The following FGF12 variants were observed in gnomAD, a reference collection of about 807,000 sequenced individuals.
FGF12 encodes the protein fibroblast growth factor 12B.
FGF12 carries 14 observed loss-of-function variants against 23.6 expected under a neutral mutation model. That is an observed-to-expected ratio of 0.59 (90% CI 0.39 to 0.93). The LOEUF is 0.93. Among genes scored for constraint, FGF12 ranks in the 40% least tolerant of loss-of-function variants. FGF12 has a pLI of 0.00. For synonymous variants in FGF12, 62 were observed against 77.3 expected (o/e 0.80, Z 1.04); for missense variants, 175 against 217.8 (o/e 0.80, Z 1.24).
At chr3:192,446,202 C>T (rs572301936) in intron 2 of FGF12, among the ~76,000 whole-genome samples, 1 of 152,296 alleles carries the variant, frequency 6.6e-6, no homozygotes, top group East Asian at 1.9e-4. Flanking sequence ...TAAGTGACTA[C>T]TTAAAAAGCT....
chr3:192,331,303 A>C (rs1157548297), intron 4 of FGF12, among the ~76,000 whole-genome samples: 4 of 126,336 alleles, frequency 3.2e-5, no homozygotes, highest in African/African-American at 1.2e-4. Context: ...AACAGTATGG[A>C]GTTTTCTCAA....
In FGF12 at chr3:192,408,871, A is replaced by G. The variant is rs9809860; in HGVS notation, c.14-48333T>C. ...TTCTGAAGATTAGGAGGTCCGTCCC[A>G]GCAGGGTGAGGTCTACAGAATGCAT... On this transcript the variant is annotated intron_variant, in intron 2 of 5. Coordinates refer to ENST00000445105, the MANE Select transcript of FGF12 (RefSeq NM_004113.6). This position sits in a 1 kb window ranked among gnomAD's most constrained non-coding sequence, Gnocchi z 7.3. 7,730 of 985,432 alleles carry G rather than the reference A, an allele frequency of 7.8e-3. 456 individuals carry two copies. The African/African-American group carries it at 0.13, about 16-fold the overall frequency. 61.0% of individuals were successfully genotyped at this position (985,432 alleles called of 1,614,324 possible). A position where few individuals can be genotyped will look rare whatever the true frequency, so the allele number is the denominator to read the frequency against.
Position 192,438,695 on chromosome 3 carries a change from A to G in FGF12, c.14-78157T>C, listed in dbSNP as rs797002181. On this transcript the variant is annotated intron_variant, in intron 2 of 5. Coordinates refer to ENST00000445105, the MANE Select transcript of FGF12 (RefSeq NM_004113.6). ...ACTAAGGAAGGAAACATTCATGTCA[A>G]AGATTGATGATTTGTGAGTATTCCA... is the stretch of plus-strand genomic sequence containing the variant. Among the ~76,000 whole-genome samples the G allele has an allele frequency of 6.6e-5, 10 of 152,246 alleles. No individual in the cohort carries two copies. The South Asian group carries it at 2.1e-3, about 31-fold the overall frequency.
At chr3:192,403,050 G>T (rs1468336959) in intron 2 of FGF12, among the ~76,000 whole-genome samples, 2 of 151,702 alleles carry the variant, frequency 1.3e-5, no homozygotes, top group African/African-American at 4.9e-5. Context: ...TGATGATCAT[G>T]CATTCAAAGA....
intron 2 of FGF12, among the ~76,000 whole-genome samples, chr3:192,462,157 CTA>C (rs1443923187): frequency 3.3e-5 from 5 of 151,984 alleles, no homozygotes; most frequent in African/African-American, 1.2e-4. Context: ...AACACTGAAA[CTA>C]TTAAGAATTT....
intron 3 of FGF12, 47 bp from the exon 4 acceptor site, chr3:192,335,511 T>C (rs942798052): frequency 5.5e-6 from 6 of 1,096,902 alleles, no homozygotes; most frequent in Non-Finnish European, 8.4e-6. Flanking sequence ...ACCTTTTGAA[T>C]AAATAATCCT....
chr3:192,623,025 C>T (rs953221544), intron 2 of FGF12, among the ~76,000 whole-genome samples: 3 of 152,178 alleles, frequency 2.0e-5, no homozygotes, highest in Admixed American at 1.3e-4. Flanking sequence ...CCTCTGTTTA[C>T]GTTGGGATAA....
At chr3:192,145,527 A>G (rs565463461) in intron 5 of FGF12, among the ~76,000 whole-genome samples, 37 of 152,224 alleles carry the variant, frequency 2.4e-4, no homozygotes, top group Non-Finnish European at 4.4e-4. Context: ...AGTGAGCTTG[A>G]GAGTCTCCAT....
At chr3:192,522,652 G>T (rs1724849297) in intron 2 of FGF12, among the ~76,000 whole-genome samples, 1 of 152,176 alleles carries the variant, frequency 6.6e-6, no homozygotes, top group African/African-American at 2.4e-5. Context: ...GCACAAAGTA[G>T]TCGGTACAAC....
intron 2 of FGF12, among the ~76,000 whole-genome samples, chr3:192,490,538 T>C (rs564323313): frequency 6.6e-6 from 1 of 152,192 alleles, no homozygotes; most frequent in African/African-American, 2.4e-5. Flanking sequence ...TATACACATT[T>C]ATATACATAT....
intron 2 of FGF12, among the ~76,000 whole-genome samples, chr3:192,361,005 C>G (rs1007556319): frequency 6.6e-6 from 1 of 151,926 alleles, no homozygotes; most frequent in Non-Finnish European, 1.5e-5. Flanking sequence ...AATTTGTGAT[C>G]AAGTTCAGCC....
intron 2 of FGF12, among the ~76,000 whole-genome samples, chr3:192,651,195 C>A (rs1272130558): frequency 6.6e-6 from 1 of 152,164 alleles, no homozygotes; most frequent in Non-Finnish European, 1.5e-5. Context: ...GACTGATGAG[C>A]AAACAGAACA....
At chr3:192,254,972 T>C (rs1712292461) in intron 4 of FGF12, among the ~76,000 whole-genome samples, 1 of 152,018 alleles carries the variant, frequency 6.6e-6, no homozygotes, top group African/African-American at 2.4e-5. Flanking sequence ...ATGCCATAGG[T>C]CTAGAGAGAT....
At chr3:192,380,793 T>C (rs1359389898) in intron 2 of FGF12, among the ~76,000 whole-genome samples, 1 of 152,108 alleles carries the variant, frequency 6.6e-6, no homozygotes, top group Non-Finnish European at 1.5e-5. Context: ...CTGAGTTTCA[T>C]GCCTAGGCCA....
intron 2 of FGF12, among the ~76,000 whole-genome samples, chr3:192,564,024 T>C (rs545515695): frequency 6.7e-6 from 1 of 148,470 alleles, no homozygotes; most frequent in African/African-American, 2.6e-5. Flanking sequence ...AATTAGACTA[T>C]GTGTAGTTTT....
chr3:192,677,008 C>T (rs1042555203), intron 2 of FGF12, among the ~76,000 whole-genome samples: 5 of 152,200 alleles, frequency 3.3e-5, no homozygotes, highest in African/African-American at 9.7e-5. Context: ...GAGATAGAGG[C>T]GCAGTGTTCC....
intron 2 of FGF12, among the ~76,000 whole-genome samples, chr3:192,593,432 T>A (rs996572214): frequency 7.9e-5 from 12 of 151,942 alleles, no homozygotes; most frequent in African/African-American, 2.9e-4. Context: ...TGACATACTA[T>A]TTGTTTATTT....
At chr3:192,155,562 ATAAAT>A (rs1385240241) in intron 5 of FGF12, among the ~76,000 whole-genome samples, 5 of 152,224 alleles carry the variant, frequency 3.3e-5, no homozygotes, top group Non-Finnish European at 7.3e-5. Context: ...CAAACAAAAA[ATAAAT>A]TAAGAATTAC....
intron 2 of FGF12, among the ~76,000 whole-genome samples, chr3:192,585,489 T>G (rs530755844): frequency 5.3e-5 from 8 of 152,062 alleles, no homozygotes; most frequent in Non-Finnish European, 1.2e-4. Flanking sequence ...CACTCTAATG[T>G]CCATAAGAGA....
Sources: allele counts gnomAD v4.1 joint callset (sites outside exome capture counted in the v4.1 genomes callset), GRCh38; gene constraint gnomAD v4.1.1; non-coding constraint Gnocchi (gnomAD v3.1); transcripts MANE v1.5; gene names NCBI Gene and HGNC (gene_info 2026-07-23, HGNC 2026-07-21).